KCND3: variants seen among roughly 807,000 people sequenced by gnomAD.
The protein encoded by KCND3 is potassium voltage-gated channel subfamily D member 3.
KCND3 carries 9 observed loss-of-function variants against 51.1 expected under a neutral mutation model. The ratio of observed to expected loss-of-function variants is 0.18; its 90% CI spans 0.11 to 0.31. The LOEUF (loss-of-function observed/expected upper bound fraction) is 0.31, where lower values mean the gene tolerates loss of function less well. Ranked by LOEUF, KCND3 falls within the 10% of genes least tolerant of loss-of-function variation. The pLI, the probability that KCND3 is intolerant of heterozygous loss-of-function variation, is 1.00. For synonymous variants in KCND3, 349 were observed against 368.0 expected (o/e 0.95, Z 0.59); for missense variants, 526 against 903.8 (o/e 0.58, Z 5.36).
chr1:111,947,488 C>A (rs1672835025), intron 2 of KCND3, among the ~76,000 whole-genome samples: 1 of 152,198 alleles, frequency 6.6e-6, no homozygotes, highest in Non-Finnish European at 1.5e-5. Flanking sequence ...TTGTGTTATT[C>A]CCATCTCATA....
At chr1:111,804,842 A>C (rs1328394679) in intron 2 of KCND3, among the ~76,000 whole-genome samples, 1 of 152,230 alleles carries the variant, frequency 6.6e-6, no homozygotes, top group African/African-American at 2.4e-5. Flanking sequence ...GTACAGCTGA[A>C]GTTGGTGCCC....
intron 2 of KCND3, among the ~76,000 whole-genome samples, chr1:111,916,023 G>C (rs1374834532): frequency 6.6e-6 from 1 of 151,992 alleles, no homozygotes; most frequent in African/African-American, 2.4e-5. Context: ...GAAAAAGTAG[G>C]CTAAAAATCA....
intron 3 of KCND3, among the ~76,000 whole-genome samples, chr1:111,783,132 T>C (rs893658706): frequency 6.8e-5 from 10 of 146,320 alleles, no homozygotes; most frequent in Non-Finnish European, 1.2e-4. Flanking sequence ...TTCACCCTCT[T>C]CCATGGCCTT....
chr1:111,868,495 A>G (rs925258813), intron 2 of KCND3, among the ~76,000 whole-genome samples: 1 of 152,200 alleles, frequency 6.6e-6, no homozygotes, highest in Non-Finnish European at 1.5e-5. Flanking sequence ...TGTAGGGCTC[A>G]GTACTACCCG....
At chr1:111,835,884 A>C (rs1667044043) in intron 2 of KCND3, among the ~76,000 whole-genome samples, 1 of 152,192 alleles carries the variant, frequency 6.6e-6, no homozygotes, top group Non-Finnish European at 1.5e-5. Context: ...ACTTGCTTTC[A>C]CTTTATAGGC....
chr1:111,969,374 A>G (rs1265084815), intron 2 of KCND3, among the ~76,000 whole-genome samples: 1 of 152,204 alleles, frequency 6.6e-6, no homozygotes. Context: ...GAGGTTGTGG[A>G]AGGAGATTTC....
chr1:111,967,132 T>C (rs145584513), intron 2 of KCND3, among the ~76,000 whole-genome samples: 6 of 144,514 alleles, frequency 4.2e-5, no homozygotes, highest in Admixed American at 4.1e-4. Context: ...AAGAGTGAGA[T>C]TCCGTCTCAA....
chr1:111,872,726 G>T (rs575147590), intron 2 of KCND3, among the ~76,000 whole-genome samples: 1 of 152,300 alleles, frequency 6.6e-6, no homozygotes, highest in Admixed American at 6.5e-5. Context: ...TTGGAGCCGG[G>T]ATTCCTGAAA....
chr1:111,977,383 A>G (rs1187018891), intron 2 of KCND3, among the ~76,000 whole-genome samples: 1 of 152,150 alleles, frequency 6.6e-6, no homozygotes, highest in African/African-American at 2.4e-5. Context: ...CCCTTCCAGG[A>G]TTATGTTTTA....
At chr1:111,964,037 G>A (rs1362154007) in intron 2 of KCND3, among the ~76,000 whole-genome samples, 1 of 152,212 alleles carries the variant, frequency 6.6e-6, no homozygotes, top group Non-Finnish European at 1.5e-5. Flanking sequence ...CTACCTACTA[G>A]TCAGGGTCTC....
chr1:111,780,428 T>C lies in KCND3; in HGVS notation c.1372-114A>G. 5.5e-6 allele frequency: 6 copies of C among 1,089,114 alleles called. No individual in the cohort carries two copies. Among genetic ancestry groups the C allele is most frequent in the Non-Finnish European group, 6.9e-6 (5 of 729,470 alleles). 67.5% of individuals were successfully genotyped at this position (1,089,114 alleles called of 1,614,324 possible). A position where few individuals can be genotyped will look rare whatever the true frequency, so the allele number is the denominator to read the frequency against. On this transcript the variant is annotated intron_variant, in intron 4 of 7. Transcript: ENST00000302127. This position sits in a 1 kb window ranked among gnomAD's most constrained non-coding sequence, Gnocchi z 4.2. ...AATAGAATAATCAAATTTTTTTTTA[T>C]TTGACCAAATTTCAGGGTCAGCATT...
chr1:111,896,826 C>T (rs796178942), intron 2 of KCND3, among the ~76,000 whole-genome samples: 1 of 152,216 alleles, frequency 6.6e-6, no homozygotes. Flanking sequence ...AGCTGTGGAA[C>T]CTTAGACAAG....
intron 2 of KCND3, among the ~76,000 whole-genome samples, chr1:111,884,394 C>T (rs1263474710): frequency 6.6e-6 from 1 of 152,226 alleles, no homozygotes; most frequent in Non-Finnish European, 1.5e-5. Flanking sequence ...CCTGCTGTGC[C>T]TGTTCCCTTG....
chr1:111,894,558 A>T (rs1248801853), intron 2 of KCND3, among the ~76,000 whole-genome samples: 1 of 152,216 alleles, frequency 6.6e-6, no homozygotes, highest in Non-Finnish European at 1.5e-5. Context: ...CCCAGATCCT[A>T]GCACAGTACT....
chr1:111,776,010 G>A lies in KCND3; in HGVS notation c.*67C>T. 6.4e-7 allele frequency: 1 copy of A among 1,550,738 alleles called. No individual in the cohort carries two copies. The highest frequency in any genetic ancestry group is 1.8e-4 in the Middle Eastern group (1 of 5,678). On this transcript the variant is annotated 3_prime_UTR_variant, in exon 8 of 8. Transcript: ENST00000302127. The stretch of plus-strand genomic sequence containing the variant: ...AAAGGGGGGAGGGAGTGGTCTCAGT[G>A]ACCACCCACCAACATGCCAGTCCCC...
chr1:111,911,007 A>G (rs747092411), intron 2 of KCND3: 1 of 152,228 alleles, frequency 6.6e-6, no homozygotes, highest in Non-Finnish European at 1.5e-5. Context: ...GGGACCGCTA[A>G]GAGATAATTC....
chr1:111,964,292 G>A (rs1363344271), intron 2 of KCND3, among the ~76,000 whole-genome samples: 3 of 152,218 alleles, frequency 2.0e-5, no homozygotes, highest in Non-Finnish European at 2.9e-5. Flanking sequence ...GAGAGCAGTA[G>A]GTGGGGAGGG....
At chr1:111,794,159 G>A (rs2101523844) in intron 2 of KCND3, among the ~76,000 whole-genome samples, 1 of 152,358 alleles carries the variant, frequency 6.6e-6, no homozygotes, top group East Asian at 1.9e-4. Flanking sequence ...TGAGGCAAAA[G>A]CAAGGAAGCT....
At chr1:111,908,990 T>C (rs1670788643) in intron 2 of KCND3, among the ~76,000 whole-genome samples, 1 of 143,978 alleles carries the variant, frequency 6.9e-6, no homozygotes, top group African/African-American at 2.6e-5. Flanking sequence ...AGTAGGAGAA[T>C]AATGTGAGCT....
Sources: allele counts gnomAD v4.1 joint callset (sites outside exome capture counted in the v4.1 genomes callset), GRCh38; gene constraint gnomAD v4.1.1; non-coding constraint Gnocchi (gnomAD v3.1); transcripts MANE v1.5; gene names NCBI Gene and HGNC (gene_info 2026-07-23, HGNC 2026-07-21).